The following ACAT1 variants were observed in gnomAD, a reference collection of about 807,000 sequenced individuals.
ACAT1 encodes the protein acetyl-CoA acetyltransferase, mitochondrial.
A neutral mutation model predicts 47.3 loss-of-function variants in ACAT1; 28 were observed. The ratio of observed to expected loss-of-function variants is 0.59; its 90% confidence interval spans 0.44 to 0.81. The LOEUF is 0.81. Among genes scored for constraint, ACAT1 ranks in the 30% least tolerant of loss-of-function variants. The pLI is 0.00. For missense variants in ACAT1, 469 were observed against 524.3 expected, an observed-to-expected ratio of 0.89 and a Z score of 1.03; for synonymous variants, 181 against 173.6, an observed-to-expected ratio of 1.04 and a Z score of -0.34.
intron 1 of ACAT1, chr11:108,121,986 G>A: frequency 2.0e-6 from 1 of 494,252 alleles, no homozygotes. Flanking sequence ...GCGCTGGCCC[G>A]GCCTGAGCGG....
At position 108,132,758 on chromosome 11, in the gene ACAT1, G is replaced by C. The variant is rs2077386140; in HGVS notation, c.120+804G>C. The stretch of plus-strand genomic sequence containing the variant: ...AGTCCCAGCTACTCGGGAGGCTGAG[G>C]CAGGAGAATGGCGTGAATCCGGGAG... On this transcript the variant is annotated intron_variant, in intron 2 of 11. Transcript: ENST00000265838. Among the ~76,000 whole-genome samples, 3 of 146,766 alleles carry C rather than the reference G, an allele frequency of 2.0e-5. No homozygotes were observed. The South Asian group carries it at 6.6e-4, about 32-fold the overall frequency.
At chr11:108,142,700 G>A (rs1176342557) in intron 9 of ACAT1, 150 bp downstream of exon 9, 1 of 659,384 alleles carries the variant, frequency 1.5e-6, no homozygotes, top group Non-Finnish European at 2.7e-6. Flanking sequence ...AGCTGAGCAT[G>A]GTGGCATGTG....
In ACAT1 at chr11:108,144,052, G is replaced by A; in HGVS notation, c.1005+5G>A. On this transcript the variant is annotated splice_donor_5th_base_variant and intron_variant, in intron 10 of 11. Transcript: ENST00000265838. ...CCTGTATATGCTGCATCTATGGTGA[G>A]AACAAAGTGAGGGGCGATACTCCAT... 6.5e-7 allele frequency: 1 copy of A among 1,544,174 alleles called. No individual in the cohort carries two copies. Among genetic ancestry groups the A allele is most frequent in the Non-Finnish European group, 8.8e-7 (1 of 1,138,110 alleles).
Position 108,141,369 on chromosome 11 carries a change from C to CAAAAAAAAAAA in ACAT1, c.731-220_731-210dup, listed in dbSNP as rs60002941. 3.9e-3 allele frequency among the ~76,000 whole-genome samples: 267 copies of CAAAAAAAAAAA among 69,302 alleles called. 9 individuals are homozygous for CAAAAAAAAAAA. Among genetic ancestry groups the CAAAAAAAAAAA allele is most frequent in the Non-Finnish European group, 5.5e-3 (215 of 39,440 alleles). The allele number at this position is 69,302 out of a possible 152,430, so 45.5% of individuals were successfully genotyped here. The stretch of plus-strand genomic sequence containing the variant: ...TAAGCAGGAGAGGGAAACCCTGCCT[C>CAAAAAAAAAAA]AAAAAAAAAAAAAAAAAAAAAAAAA... On this transcript the variant is annotated intron_variant, in intron 7 of 11. Transcript: ENST00000265838.
At chr11:108,127,351 A>G (rs1195120285) in intron 1 of ACAT1, among the ~76,000 whole-genome samples, 1 of 147,680 alleles carries the variant, frequency 6.8e-6, no homozygotes, top group Non-Finnish European at 1.5e-5. Context: ...TGCAAGCTCC[A>G]CTTCCCGGGT....
chr11:108,141,771 A>G, intron 8 of ACAT1, 71 bp downstream of exon 8: 1 of 933,928 alleles, frequency 1.1e-6, no homozygotes, highest in Non-Finnish European at 1.6e-6. Flanking sequence ...AGAATTGCCT[A>G]AGGATTTTGA....
At position 108,135,217 on chromosome 11, in the gene ACAT1, C is replaced by T. The variant is rs2077446589; in HGVS notation, c.410C>T (p.Ser137Phe). 1 of 1,612,728 alleles carries T rather than the reference C, an allele frequency of 6.2e-7. No homozygotes were observed. The highest frequency in any genetic ancestry group is 1.7e-5 in the Admixed American group (1 of 59,986). Residue 137 changes from serine to phenylalanine, a missense_variant, in exon 5 of 12, where the codon TCT becomes TTT. Ser to Phe is a radical substitution (Grantham distance 155). Transcript: ENST00000265838. The stretch of plus-strand genomic sequence containing the variant: ...GGAATGAAAGCCATCATGATGGCCT[C>T]TCAAAGTCTTATGTGTGGACATCAG... ...ASGMKAIMMA[S>F]QSLMCGHQDV... is the part of the protein sequence containing the mutation.
intron 1 of ACAT1, among the ~76,000 whole-genome samples, chr11:108,128,152 C>T (rs2077287387): frequency 6.6e-6 from 1 of 152,234 alleles, no homozygotes; most frequent in South Asian, 2.1e-4. Context: ...GCTACACAGA[C>T]ATTGCTGATG....
At position 108,133,924 on chromosome 11, in the gene ACAT1, C is replaced by T. The variant is rs747201837; in HGVS notation, c.225C>T (p.Ala75=). The change falls in exon 3 of 12, where the codon GCC becomes GCT. Residue 75 remains alanine, a synonymous_variant. Coordinates refer to ENST00000265838, the MANE Select transcript of ACAT1 (RefSeq NM_000019.4). ...TTGGTTCCATTGCAATTCAGGGAGC[C>T]ATTGAAAAGGCAGGTCAGTAGTTAC... ...TKLGSIAIQG[A]IEKAGIPKEE... The T allele has an allele frequency of 2.2e-5, 35 of 1,613,776 alleles. No individual in the cohort carries two copies. The highest frequency in any genetic ancestry group is 2.5e-5 in the Non-Finnish European group (30 of 1,179,930).
intron 3 of ACAT1, 106 bp downstream of exon 3, chr11:108,134,043 C>A: frequency 8.4e-7 from 1 of 1,188,722 alleles, no homozygotes; most frequent in Non-Finnish European, 1.2e-6. Flanking sequence ...TAACTTAATG[C>A]CTACATTTCT....
chr11:108,122,454 C>A (rs1041029339), intron 1 of ACAT1, among the ~76,000 whole-genome samples: 2 of 152,192 alleles, frequency 1.3e-5, no homozygotes, highest in Non-Finnish European at 2.9e-5. Flanking sequence ...TCGATGGGGG[C>A]AATAAGCTTG....
At chr11:108,127,629 A>C (rs567922707) in intron 1 of ACAT1, among the ~76,000 whole-genome samples, 35 of 152,256 alleles carry the variant, frequency 2.3e-4, no homozygotes, top group African/African-American at 8.2e-4. Context: ...AAGTTAAATT[A>C]AAAGAGGCCT....
chr11:108,138,490 A>T (rs1290641011), intron 5 of ACAT1, among the ~76,000 whole-genome samples: 1 of 151,158 alleles, frequency 6.6e-6, no homozygotes, highest in African/African-American at 2.4e-5. Context: ...TCTGCCTCCC[A>T]GGTTCAAGCA....
At chr11:108,144,276 C>T (rs1397978655) in intron 10 of ACAT1, 1 of 563,812 alleles carries the variant, frequency 1.8e-6, no homozygotes, top group Non-Finnish European at 3.1e-6. Flanking sequence ...ACAGGTAAAA[C>T]TACACATCTG....
At chr11:108,133,516 C>G (rs892771018) in intron 2 of ACAT1, among the ~76,000 whole-genome samples, 1 of 152,040 alleles carries the variant, frequency 6.6e-6, no homozygotes, top group Non-Finnish European at 1.5e-5. Flanking sequence ...AACAAAAAAA[C>G]AAGGTACAGT....
chr11:108,118,592 G>A (rs1290602461), upstream of ACAT1, among the ~76,000 whole-genome samples: 1 of 151,982 alleles, frequency 6.6e-6, no homozygotes, highest in Non-Finnish European at 1.5e-5. Context: ...GGATGGTCTC[G>A]ATCTCCTGAC....
intron 10 of ACAT1, among the ~76,000 whole-genome samples, chr11:108,145,411 C>A (rs559324263): frequency 6.6e-6 from 1 of 152,252 alleles, no homozygotes; most frequent in South Asian, 2.1e-4. Context: ...GGTGCAGTGG[C>A]GCTCGCCTGT....
intron 5 of ACAT1, among the ~76,000 whole-genome samples, chr11:108,137,250 T>C (rs2077486076): frequency 2.6e-5 from 4 of 152,100 alleles, no homozygotes; most frequent in African/African-American, 9.7e-5. Flanking sequence ...TACATGTTGG[T>C]GGATGGGGAA....
chr11:108,129,801 T>G (rs1478191102), intron 1 of ACAT1, among the ~76,000 whole-genome samples: 2 of 152,130 alleles, frequency 1.3e-5, no homozygotes, highest in East Asian at 1.9e-4. Context: ...GGGCAAGCAC[T>G]AGGACATCCA....
Sources: allele counts gnomAD v4.1 joint callset (sites outside exome capture counted in the v4.1 genomes callset), GRCh38; gene constraint gnomAD v4.1.1; transcripts MANE v1.5; gene names NCBI Gene and HGNC (gene_info 2026-07-23, HGNC 2026-07-21).